The following CSMD1 variants were observed in gnomAD, a reference collection of about 807,000 sequenced individuals.
CSMD1 encodes the protein CUB and sushi domain-containing protein 1.
Under a neutral mutation model 417.5 loss-of-function variants are expected in CSMD1, and 213 were observed. That is an observed-to-expected ratio of 0.51 (90% CI 0.46 to 0.57). CSMD1 has a LOEUF of 0.57. CSMD1 is among the 20% of genes least tolerant of loss of function. The pLI is 0.00. For synonymous variants in CSMD1, 2,862 were observed against 1,736.8 expected (o/e 1.65, Z -16.11); for missense variants, 6,923 against 4,529.7 (o/e 1.53, Z -15.17).
chr8:4,133,330 A>G (rs1803225120), intron 3 of CSMD1, among the ~76,000 whole-genome samples: 1 of 152,254 alleles, frequency 6.6e-6, no homozygotes, highest in Non-Finnish European at 1.5e-5. Flanking sequence ...AAATAATGAT[A>G]GACTTCTCAG....
chr8:3,121,452 A>C (rs966080010), intron 41 of CSMD1, among the ~76,000 whole-genome samples: 1 of 152,152 alleles, frequency 6.6e-6, no homozygotes, highest in Non-Finnish European at 1.5e-5. Context: ...TCCCCCAGGG[A>C]CGAGAAGTGG....
chr8:4,198,991 C>G (rs573163874), intron 3 of CSMD1, among the ~76,000 whole-genome samples: 26 of 151,942 alleles, frequency 1.7e-4, no homozygotes, highest in Non-Finnish European at 3.2e-4. Context: ...CTCCTGTAAT[C>G]CTTTGCAAAT....
At chr8:3,879,250 T>G (rs548810157) in intron 5 of CSMD1, among the ~76,000 whole-genome samples, 15 of 152,336 alleles carry the variant, frequency 9.8e-5, no homozygotes, top group African/African-American at 3.1e-4. Flanking sequence ...TATATAGGAT[T>G]GTATATTACA....
intron 41 of CSMD1, among the ~76,000 whole-genome samples, chr8:3,135,162 C>T (rs534385014): frequency 7.9e-5 from 12 of 152,242 alleles, no homozygotes; most frequent in East Asian, 7.7e-4. Flanking sequence ...GCAATCTTCC[C>T]GCCTTGGCTT....
chr8:4,399,144 A>G (rs1463612584), intron 3 of CSMD1, among the ~76,000 whole-genome samples: 1 of 152,194 alleles, frequency 6.6e-6, no homozygotes, highest in African/African-American at 2.4e-5. Flanking sequence ...AATAATGATA[A>G]AACTTTGTGT....
chr8:3,916,724 AG>A (rs1808854157), intron 5 of CSMD1, among the ~76,000 whole-genome samples: 1 of 152,170 alleles, frequency 6.6e-6, no homozygotes. Context: ...TAGAAAAAGT[AG>A]AGATAATCAT....
chr8:3,400,642 T>C (rs1811981927), intron 15 of CSMD1, among the ~76,000 whole-genome samples: 1 of 151,966 alleles, frequency 6.6e-6, no homozygotes, highest in Non-Finnish European at 1.5e-5. Context: ...TATGGGAAAA[T>C]CTTTGCAATA....
chr8:4,068,175 G>A (rs1221640698), intron 3 of CSMD1, among the ~76,000 whole-genome samples: 3 of 152,204 alleles, frequency 2.0e-5, no homozygotes, highest in Admixed American at 6.5e-5. Flanking sequence ...GGTTTTCTTA[G>A]GAAAGGGGTG....
intron 2 of CSMD1, among the ~76,000 whole-genome samples, chr8:4,470,716 G>A (rs540518313): frequency 3.4e-4 from 52 of 152,264 alleles, no homozygotes; most frequent in African/African-American, 1.2e-3. Flanking sequence ...ACAAAAAGAA[G>A]AAAGGTAAAA....
chr8:3,908,201 C>T (rs918180127), intron 5 of CSMD1, among the ~76,000 whole-genome samples: 2 of 152,080 alleles, frequency 1.3e-5, no homozygotes, highest in African/African-American at 4.8e-5. Context: ...ATACTAAGCA[C>T]ATAATAGTCA....
At chr8:3,628,830 CTCTT>C (rs1379968638) in intron 7 of CSMD1, among the ~76,000 whole-genome samples, 3 of 152,076 alleles carry the variant, frequency 2.0e-5, no homozygotes, top group African/African-American at 7.2e-5. Flanking sequence ...TCTCATCTCT[CTCTT>C]TCTTAAGTGG....
At chr8:4,959,423 G>C (rs1393929800) in intron 1 of CSMD1, among the ~76,000 whole-genome samples, 1 of 152,218 alleles carries the variant, frequency 6.6e-6, no homozygotes, top group African/African-American at 2.4e-5. Flanking sequence ...ACACAAGTGA[G>C]GAAAGCAACT....
At chr8:3,212,284 C>G (rs1465541058) in intron 30 of CSMD1, among the ~76,000 whole-genome samples, 6 of 152,174 alleles carry the variant, frequency 3.9e-5, no homozygotes, top group Non-Finnish European at 7.4e-5. Flanking sequence ...ACTACACTAT[C>G]AGAATTTTTA....
At chr8:4,408,135 G>A (rs968863486) in intron 3 of CSMD1, among the ~76,000 whole-genome samples, 2 of 152,120 alleles carry the variant, frequency 1.3e-5, no homozygotes, top group Non-Finnish European at 2.9e-5. Context: ...TGGAAACTTC[G>A]AGTACACATG....
intron 5 of CSMD1, among the ~76,000 whole-genome samples, chr8:3,873,725 AG>A (rs1416989740): frequency 1.3e-5 from 2 of 152,344 alleles, no homozygotes; most frequent in East Asian, 3.9e-4. Flanking sequence ...ATAAATAAAA[AG>A]CCTTTTTCTC....
intron 5 of CSMD1, among the ~76,000 whole-genome samples, chr8:3,846,216 G>A (rs984745627): frequency 5.9e-5 from 9 of 152,094 alleles, no homozygotes; most frequent in African/African-American, 2.2e-4. Context: ...TACGTTTGTT[G>A]CCACCAGCAT....
chr8:3,985,346 A>G (rs1390826899), intron 5 of CSMD1, among the ~76,000 whole-genome samples: 1 of 152,208 alleles, frequency 6.6e-6, no homozygotes, highest in Non-Finnish European at 1.5e-5. Flanking sequence ...TTAGGGTTAC[A>G]GATTGCATTG....
At chr8:4,726,568 T>C (rs1215196919) in intron 1 of CSMD1, among the ~76,000 whole-genome samples, 2 of 152,160 alleles carry the variant, frequency 1.3e-5, no homozygotes, top group Non-Finnish European at 2.9e-5. Context: ...CACTTCCCTG[T>C]CTGACAGGTG....
At chr8:3,924,643 G>C (rs1036656031) in intron 5 of CSMD1, among the ~76,000 whole-genome samples, 1 of 152,040 alleles carries the variant, frequency 6.6e-6, no homozygotes, top group Admixed American at 6.6e-5. Flanking sequence ...TGAGTCTGCT[G>C]TTTAAACACT....
Sources: allele counts gnomAD v4.1 joint callset (sites outside exome capture counted in the v4.1 genomes callset), GRCh38; gene constraint gnomAD v4.1.1; transcripts MANE v1.5; gene names NCBI Gene and HGNC (gene_info 2026-07-23, HGNC 2026-07-21).